RNF38: variants seen among roughly 807,000 people sequenced by gnomAD.
RNF38 encodes E3 ubiquitin-protein ligase RNF38.
A neutral mutation model predicts 67.2 loss-of-function variants in RNF38; 15 were observed. That is an observed-to-expected ratio of 0.22 (90% CI 0.15 to 0.34). The LOEUF (loss-of-function observed/expected upper bound fraction) is 0.34. Among genes scored for constraint, RNF38 ranks in the 10% least tolerant of loss-of-function variants. The pLI is 1.00. For synonymous variants in RNF38, 220 were observed against 218.8 expected, an observed-to-expected ratio of 1.01 and a Z score of -0.05; for missense variants, 524 against 639.9, an observed-to-expected ratio of 0.82 and a Z score of 1.95.
At chr9:36,441,653 A>G (rs1400999729) in intron 1 of RNF38, among the ~76,000 whole-genome samples, 1 of 152,100 alleles carries the variant, frequency 6.6e-6, no homozygotes, top group Admixed American at 6.6e-5. Flanking sequence ...TTATAATATA[A>G]TATCACCTAG....
intron 4 of RNF38, among the ~76,000 whole-genome samples, chr9:36,359,785 G>A (rs995611035): frequency 4.2e-4 from 61 of 146,614 alleles, no homozygotes; most frequent in Non-Finnish European, 7.4e-4. Flanking sequence ...CAGCCTTGTC[G>A]CCCAGGCTGG....
chr9:36,429,606 C>T (rs1171055427), intron 1 of RNF38, among the ~76,000 whole-genome samples: 1 of 151,988 alleles, frequency 6.6e-6, no homozygotes, highest in Admixed American at 6.6e-5. Context: ...CCAGCCTGGC[C>T]AACAAGATGA....
chr9:36,398,023 G>C (rs1459207460), intron 1 of RNF38, among the ~76,000 whole-genome samples: 1 of 152,098 alleles, frequency 6.6e-6, no homozygotes, highest in African/African-American at 2.4e-5. Context: ...ATAATTGTGG[G>C]TTTTACAATA....
At chr9:36,347,809 G>T (rs1251805742) in intron 9 of RNF38, among the ~76,000 whole-genome samples, 2 of 152,204 alleles carry the variant, frequency 1.3e-5, no homozygotes, top group African/African-American at 4.8e-5. Context: ...CGGGCACAGT[G>T]GCTCATGCCT....
intron 1 of RNF38, among the ~76,000 whole-genome samples, chr9:36,396,517 G>C (rs1003630518): frequency 6.6e-6 from 1 of 151,712 alleles, no homozygotes; most frequent in African/African-American, 2.4e-5. Flanking sequence ...CTTGGCTTTT[G>C]TTTTCTGGGA....
chr9:36,451,491 GTTTTTTTTTTT>G (rs374396585), intron 1 of RNF38, among the ~76,000 whole-genome samples: 5 of 58,670 alleles, frequency 8.5e-5, no homozygotes, highest in East Asian at 7.4e-4. Flanking sequence ...AATTGTAGTA[GTTTTTTTTTTT>G]TTTTTTTTTT....
chr9:36,483,924 G>C (rs1275661914), intron 1 of RNF38, among the ~76,000 whole-genome samples: 2 of 152,150 alleles, frequency 1.3e-5, no homozygotes, highest in African/African-American at 4.8e-5. Context: ...CAGAGGAATG[G>C]ACAACCTAGA....
chr9:36,374,024 T>C (rs1835593151), intron 3 of RNF38, among the ~76,000 whole-genome samples: 2 of 152,196 alleles, frequency 1.3e-5, no homozygotes, highest in Admixed American at 1.3e-4. Flanking sequence ...TTATTCATCA[T>C]AAAATAGGAA....
Position 36,336,728 on chromosome 9 carries a change from G to GACAA in RNF38, c.*3020_*3023dup, listed in dbSNP as rs542269145. ...AGGTAACCAAATGTACCAACAGGGGGACAAACAAACAGCTTTCTAATGAAA... is the reference window on the plus strand; with the variant it reads ...AGGTAACCAAATGTACCAACAGGGGGACAAACAAACAAACAGCTTTCTAATGAAA... On this transcript the variant is annotated 3_prime_UTR_variant, in exon 12 of 12. Transcript: ENST00000259605. 4 of 152,496 alleles carry GACAA rather than the reference G, an allele frequency of 2.6e-5. No homozygotes were observed. The highest frequency in any genetic ancestry group is 9.7e-5 in the African/African-American group (4 of 41,406). The allele number at this position is 152,496 out of a possible 1,614,324, so 9.4% of individuals were successfully genotyped here.
exon 1 of RNF38, chr9:36,487,427 G>GGGCGCGGGC: frequency 2.0e-6 from 2 of 981,028 alleles, no homozygotes; most frequent in South Asian, 4.5e-5. Flanking sequence ...CGGCGGTGGG[G>GGGCGCGGGC]GGCGCGGGCG....
intron 1 of RNF38, among the ~76,000 whole-genome samples, chr9:36,391,755 A>G (rs1837112795): frequency 6.6e-6 from 1 of 151,766 alleles, no homozygotes; most frequent in African/African-American, 2.4e-5. Context: ...CTGGGACTAC[A>G]GGCGCCCGCC....
chr9:36,390,183 C>T (rs1194138168), intron 2 of RNF38, among the ~76,000 whole-genome samples: 2 of 152,076 alleles, frequency 1.3e-5, no homozygotes, highest in African/African-American at 2.4e-5. Flanking sequence ...TTCTACTTTC[C>T]TACAGAACTT....
At chr9:36,383,943 T>G (rs1836402066) in intron 2 of RNF38, among the ~76,000 whole-genome samples, 2 of 152,190 alleles carry the variant, frequency 1.3e-5, no homozygotes, top group South Asian at 4.1e-4. Context: ...TTCCTATCAT[T>G]GGCTATAACT....
chr9:36,431,706 C>A lies in RNF38; in HGVS notation n.242-7023G>T, dbSNP rs563065183. ...ATTATTTAGGGTTCCTATGGAGATTCCCTTAGGTAGGCATGACTGATAAAA... is the reference window on the plus strand; with the variant it reads ...ATTATTTAGGGTTCCTATGGAGATTACCTTAGGTAGGCATGACTGATAAAA... On this transcript the variant is annotated intron_variant and non_coding_transcript_variant, in intron 1 of 3. Transcript: ENST00000488058. Among the ~76,000 whole-genome samples, 4 of 152,294 alleles carry A rather than the reference C, an allele frequency of 2.6e-5. No individual in the cohort carries two copies. In the East Asian group the frequency reaches 7.7e-4, roughly 29 times the overall value.
intron 1 of RNF38, among the ~76,000 whole-genome samples, chr9:36,430,683 A>C (rs1265482903): frequency 2.6e-5 from 4 of 152,016 alleles, no homozygotes; most frequent in Admixed American, 2.6e-4. Context: ...TAGTGAAAGG[A>C]CTGGTTCTAC....
chr9:36,472,021 AT>A (rs1366738924), intron 1 of RNF38, among the ~76,000 whole-genome samples: 1 of 152,198 alleles, frequency 6.6e-6, no homozygotes, highest in Non-Finnish European at 1.5e-5. Flanking sequence ...TAAAATATCA[AT>A]TTTAAAAAAA....
At chr9:36,392,822 G>A (rs1399404095) in intron 1 of RNF38, among the ~76,000 whole-genome samples, 3 of 151,990 alleles carry the variant, frequency 2.0e-5, no homozygotes, top group Admixed American at 1.3e-4. Context: ...ACCTCAAGAA[G>A]CTTATTCTAA....
At chr9:36,487,232 G>C (rs1840439091) in intron 1 of RNF38, 1 of 897,456 alleles carries the variant, frequency 1.1e-6, no homozygotes, top group Non-Finnish European at 1.3e-6. Context: ...CGGGCGCCTG[G>C]ACCACACGCC....
chr9:36,391,663 A>C (rs1400632852), intron 1 of RNF38, among the ~76,000 whole-genome samples: 1 of 138,212 alleles, frequency 7.2e-6, no homozygotes, highest in Non-Finnish European at 1.5e-5. Context: ...CCCAGGCTGG[A>C]GTGCAGTGGT....
Sources: allele counts gnomAD v4.1 joint callset (sites outside exome capture counted in the v4.1 genomes callset), GRCh38; gene constraint gnomAD v4.1.1; transcripts MANE v1.5; gene names NCBI Gene and HGNC (gene_info 2026-07-23, HGNC 2026-07-21).